Variants in MAP3K13 observed in about 807,000 individuals in gnomAD.
The protein encoded by MAP3K13 is mitogen-activated protein kinase kinase kinase 13, also known as leucine zipper-bearing kinase.
Under a neutral mutation model 104.0 loss-of-function variants are expected in MAP3K13, and 52 were observed. The ratio of observed to expected loss-of-function variants is 0.50; its 90% CI spans 0.40 to 0.63. MAP3K13 has a LOEUF of 0.63. MAP3K13 is among the 20% of genes least tolerant of loss of function. The probability of loss-of-function intolerance (pLI) is 0.00; values close to 1 mark genes in which losing one functional copy is unlikely to be tolerated. For missense variants in MAP3K13, 914 were observed against 1,218.5 expected, an observed-to-expected ratio of 0.75 and a Z score of 3.72; for synonymous variants, 394 against 442.2, an observed-to-expected ratio of 0.89 and a Z score of 1.37.
intron 1 of MAP3K13, among the ~76,000 whole-genome samples, chr3:185,412,760 G>T (rs1035478702): frequency 6.6e-6 from 1 of 152,148 alleles, no homozygotes; most frequent in African/African-American, 2.4e-5. Flanking sequence ...ATTAAAATTC[G>T]ACATTGGATC....
chr3:185,344,522 A>G (rs1401741677), intron 2 of MAP3K13, among the ~76,000 whole-genome samples: 1 of 152,218 alleles, frequency 6.6e-6, no homozygotes, highest in Non-Finnish European at 1.5e-5. Context: ...ACCAAACTGA[A>G]TATGCACTTG....
At chr3:185,421,045 C>G (rs1024115264) in intron 1 of MAP3K13, among the ~76,000 whole-genome samples, 3 of 152,126 alleles carry the variant, frequency 2.0e-5, no homozygotes, top group African/African-American at 4.8e-5. Context: ...AGGGCAGATA[C>G]GGGAGCACTT....
chr3:185,347,706 C>T (rs926380306), intron 2 of MAP3K13, among the ~76,000 whole-genome samples: 4 of 152,052 alleles, frequency 2.6e-5, no homozygotes, highest in Admixed American at 2.0e-4. Flanking sequence ...GTAATGGAGG[C>T]GATTTCAGAA....
intron 1 of MAP3K13, among the ~76,000 whole-genome samples, chr3:185,378,001 T>C (rs1304649363): frequency 6.6e-6 from 1 of 150,778 alleles, no homozygotes. Context: ...AGCAAGCTCC[T>C]GGGGTGGGGG....
chr3:185,312,393 G>GA (rs1254209659), intron 2 of MAP3K13, among the ~76,000 whole-genome samples: 1 of 152,226 alleles, frequency 6.6e-6, no homozygotes, highest in African/African-American at 2.4e-5. Flanking sequence ...GTCACGCAGA[G>GA]AGATGCTTGG....
At chr3:185,301,611 A>G (rs1266969880) in intron 2 of MAP3K13, among the ~76,000 whole-genome samples, 2 of 152,144 alleles carry the variant, frequency 1.3e-5, no homozygotes, top group Non-Finnish European at 2.9e-5. Context: ...TAGGCCTATG[A>G]TCCATTCTGA....
intron 1 of MAP3K13, among the ~76,000 whole-genome samples, chr3:185,407,940 G>A (rs1008665422): frequency 1.4e-5 from 2 of 139,262 alleles, no homozygotes; most frequent in Non-Finnish European, 3.0e-5. Context: ...GAGGGGGCAT[G>A]GTCATAGCTC....
intron 1 of MAP3K13, among the ~76,000 whole-genome samples, chr3:185,381,646 T>C (rs1724727993): frequency 6.6e-6 from 1 of 152,232 alleles, no homozygotes; most frequent in Non-Finnish European, 1.5e-5. Flanking sequence ...TTTAAAATGG[T>C]GCCAAAGCAT....
chr3:185,458,591 T>A (rs1716906794), intron 7 of MAP3K13, among the ~76,000 whole-genome samples: 1 of 152,178 alleles, frequency 6.6e-6, no homozygotes, highest in Non-Finnish European at 1.5e-5. Context: ...TTTGACTTTA[T>A]CCTGCCCCAG....
chr3:185,471,306 C>CTTTCTTTTT (rs1553811789), intron 10 of MAP3K13, among the ~76,000 whole-genome samples: 1 of 83,418 alleles, frequency 1.2e-5, no homozygotes, highest in Non-Finnish European at 2.6e-5. Flanking sequence ...ATGACCTTTG[C>CTTTCTTTTT]TTTTTTTTTT....
At chr3:185,349,600 T>C (rs1476277351) in intron 2 of MAP3K13, among the ~76,000 whole-genome samples, 1 of 152,212 alleles carries the variant, frequency 6.6e-6, no homozygotes, top group East Asian at 1.9e-4. Flanking sequence ...GAATAATTTT[T>C]TCACCCTTAA....
chr3:185,438,310 G>GAAGA (rs3076249), intron 3 of MAP3K13, among the ~76,000 whole-genome samples: 112,063 of 149,926 alleles, frequency 0.75, 43,599 homozygotes, highest in Non-Finnish European at 0.87. Flanking sequence ...AGGAAAGAAA[G>GAAGA]AAGAAAGAAA....
At chr3:185,477,024 TTCCCTC>T (rs971503196) in intron 11 of MAP3K13, 4 of 509,984 alleles carry the variant, frequency 7.8e-6, no homozygotes, top group African/African-American at 7.6e-5. Context: ...CCTCTCCAAC[TTCCCTC>T]TCCATCACTC....
chr3:185,359,508 G>T (rs1723518401), upstream of MAP3K13, among the ~76,000 whole-genome samples: 1 of 152,154 alleles, frequency 6.6e-6, no homozygotes, highest in South Asian at 2.1e-4. Flanking sequence ...TTCCCTTGTT[G>T]AGAGAGTAGC....
Position 185,477,407 on chromosome 3 carries a change from C to A in MAP3K13, c.2501+11C>A. 6.3e-7 allele frequency: 1 copy of A among 1,599,452 alleles called. No individual in the cohort carries two copies. The highest frequency in any genetic ancestry group is 8.6e-7 in the Non-Finnish European group (1 of 1,166,896). On this transcript the variant is annotated intron_variant, in intron 12 of 13. Transcript: ENST00000265026. ...TCCACGAAGACAGAGGTAAAACCAA[C>A]AAATGCACACGATTGCTTTTAGTGG...
At chr3:185,420,621 A>T (rs1400051524) in intron 1 of MAP3K13, among the ~76,000 whole-genome samples, 1 of 152,250 alleles carries the variant, frequency 6.6e-6, no homozygotes, top group Admixed American at 6.5e-5. Context: ...CTCAGTGTCA[A>T]TCAATAAATC....
chr3:185,466,399 T>C lies in MAP3K13; in HGVS notation c.1506-427T>C, dbSNP rs575515569. Among the ~76,000 whole-genome samples, 442 of 131,078 alleles carry C rather than the reference T, an allele frequency of 3.4e-3. 4 individuals are homozygous for C. Among genetic ancestry groups the C allele is most frequent in the Non-Finnish European group, 3.6e-3 (232 of 63,718 alleles). The allele number at this position is 131,078 out of a possible 152,430, so 86.0% of individuals were successfully genotyped here. On this transcript the variant is annotated intron_variant, in intron 9 of 13. Transcript: ENST00000265026. The stretch of plus-strand genomic sequence containing the variant: ...TTTTTTTTTTTTTTTTTTTGTGAGA[T>C]GGAGTCTTGCTCTGTCACCCAGGCT...
chr3:185,473,234 A>C lies in MAP3K13; in HGVS notation c.1903A>C (p.Asn635His). 1 of 1,614,140 alleles carries C rather than the reference A, an allele frequency of 6.2e-7. No individual in the cohort carries two copies. Among genetic ancestry groups the C allele is most frequent in the Non-Finnish European group, 8.5e-7 (1 of 1,180,022 alleles). The change falls in exon 11 of 14, where the codon AAT becomes CAT. Residue 635 changes from asparagine to histidine, a missense_variant. Around this residue, in one of 3 missense-constraint regions of MAP3K13, gnomAD observed 583 missense variants for 737.4 expected, o/e 0.79. Coordinates refer to ENST00000265026, the MANE Select transcript of MAP3K13 (RefSeq NM_004721.5). The surrounding 1 kb of genome is among the most constrained non-coding windows in gnomAD (Gnocchi z 4.9). ...QSQYPSLHHH[N>H]SLQQQYQQPP... is the part of the protein sequence containing the mutation. ...CCAATACCCTTCTCTTCATCACCAT[A>C]ATTCTCTGCAGCAGCAATACCAGCA...
chr3:185,337,310 A>G (rs901703156), intron 2 of MAP3K13, among the ~76,000 whole-genome samples: 1 of 152,248 alleles, frequency 6.6e-6, no homozygotes, highest in Non-Finnish European at 1.5e-5. Flanking sequence ...TACACTTGCA[A>G]TACAAACTTA....
Sources: gnomAD v4.1 joint callset for allele counts (sites outside exome capture counted in the v4.1 genomes callset) on GRCh38, gnomAD v4.1.1 for gene constraint, gnomAD v4.1.1 regional missense constraint, Gnocchi (gnomAD v3.1) non-coding constraint, MANE v1.5 for transcripts, NCBI Gene and HGNC (gene_info 2026-07-23, HGNC 2026-07-21) for gene names.